The following PI4K2A variants were observed in gnomAD, a reference collection of about 807,000 sequenced individuals.
The protein encoded by PI4K2A is phosphatidylinositol 4-kinase type 2 alpha, also known as phosphatidylinositol 4-kinase type 2-alpha.
In PI4K2A, 20 loss-of-function variants were observed where a neutral mutation model predicts 55.0. That is an observed-to-expected ratio of 0.36 (90% CI 0.26 to 0.53). The LOEUF (loss-of-function observed/expected upper bound fraction) is 0.53. Ranked by LOEUF, PI4K2A falls within the 20% of genes least tolerant of loss-of-function variation. The probability of loss-of-function intolerance (pLI) is 0.91; values close to 1 mark genes in which losing one functional copy is unlikely to be tolerated. For missense variants in PI4K2A, 463 were observed against 637.1 expected, an observed-to-expected ratio of 0.73 and a Z score of 2.94; for synonymous variants, 235 against 258.5, an observed-to-expected ratio of 0.91 and a Z score of 0.87.
exon 1 of PI4K2A, chr10:97,640,716 C>A: frequency 6.9e-7 from 1 of 1,442,034 alleles, no homozygotes; most frequent in Non-Finnish European, 9.2e-7. Context: ...TGGAGCGCGC[C>A]GGGTCCCGGA....
chr10:97,657,695 A>T (rs1291643831), intron 4 of PI4K2A, among the ~76,000 whole-genome samples: 1 of 151,536 alleles, frequency 6.6e-6, no homozygotes, highest in Non-Finnish European at 1.5e-5. Flanking sequence ...CTCTAAAGTC[A>T]CCTTATTGGA....
At position 97,656,803 on chromosome 10, in the gene PI4K2A, C is replaced by T; in HGVS notation, c.769-18C>T. 1.2e-6 allele frequency: 2 copies of T among 1,613,238 alleles called. No homozygotes were observed. Among genetic ancestry groups the T allele is most frequent in the Non-Finnish European group, 1.7e-6 (2 of 1,179,304 alleles). On this transcript the variant is annotated intron_variant, in intron 3 of 8. Transcript: ENST00000370631. The surrounding 1 kb of genome is among the most constrained non-coding windows in gnomAD (Gnocchi z 4.5). ...TGGGCAGTAGGGAAAAACCTTTGTT[C>T]CTTCCTCTTGGTTCCAGGTTGGTTC...
intron 8 of PI4K2A, among the ~76,000 whole-genome samples, chr10:97,669,083 C>T (rs1475950101): frequency 2.0e-5 from 3 of 152,168 alleles, no homozygotes; most frequent in Non-Finnish European, 4.4e-5. Context: ...CCAGGGTGGT[C>T]TCAAACTCCT....
At chr10:97,658,421 T>C (rs2041566082) in intron 4 of PI4K2A, among the ~76,000 whole-genome samples, 2 of 152,228 alleles carry the variant, frequency 1.3e-5, no homozygotes, top group Admixed American at 1.3e-4. Context: ...CCACATTTTG[T>C]CTATCCATTT....
chr10:97,669,762 T>C (rs1336450862), intron 8 of PI4K2A, among the ~76,000 whole-genome samples: 3 of 152,148 alleles, frequency 2.0e-5, no homozygotes, highest in East Asian at 1.9e-4. Flanking sequence ...TGGGCTGTAG[T>C]ACAAGGGCCC....
rs757081048 is a variant in PI4K2A at position 97,656,777 on chromosome 10, T to G, written c.769-44T>G. On this transcript the variant is annotated intron_variant, in intron 3 of 8. Coordinates refer to ENST00000370631, the Ensembl canonical transcript of PI4K2A. This position sits in a 1 kb window ranked among gnomAD's most constrained non-coding sequence, Gnocchi z 4.5. ...GCATATACTCCAAAGGTCTTTGGAT[T>G]TGGGCAGTAGGGAAAAACCTTTGTT... The G allele has an allele frequency of 2.5e-6, 4 of 1,597,376 alleles. No individual in the cohort carries two copies. The East Asian group carries it at 8.9e-5, about 36-fold the overall frequency.
At chr10:97,657,179 A>G (rs2135756778) in intron 4 of PI4K2A, among the ~76,000 whole-genome samples, 1 of 152,338 alleles carries the variant, frequency 6.6e-6, no homozygotes, top group South Asian at 2.1e-4. Context: ...TAACTCTTCC[A>G]AAGCACTGTG....
intron 1 of PI4K2A, among the ~76,000 whole-genome samples, chr10:97,642,806 TCTTCCTTC>T (rs1183100302): frequency 0.07 from 7,300 of 104,614 alleles, 1,061 homozygotes; most frequent in East Asian, 0.1. Flanking sequence ...GCTTTCTCTT[TCTTCCTTC>T]CTTCCTTCCT....
In PI4K2A at chr10:97,675,249, G is replaced by T. The variant is rs11189321; in HGVS notation, c.*1507G>T. 24,266 of 152,494 alleles carry T rather than the reference G, an allele frequency of 0.16. 2,226 individuals are homozygous for T. The highest frequency in any genetic ancestry group is 0.34 in the South Asian group (1,633 of 4,814). 9.4% of individuals were successfully genotyped at this position (152,494 alleles called of 1,614,324 possible). A position where few individuals can be genotyped will look rare whatever the true frequency, so the allele number is the denominator to read the frequency against. On this transcript the variant is annotated 3_prime_UTR_variant, in exon 9 of 9. Transcript: ENST00000370631. ...ATGGCTGCATGTCCTCTGCTTGCCC[G>T]GCTGCAGAGCAGAGATGTGCAGCCC...
chr10:97,648,560 T>C (rs765005043), intron 1 of PI4K2A, among the ~76,000 whole-genome samples: 10 of 152,204 alleles, frequency 6.6e-5, no homozygotes, highest in Non-Finnish European at 1.5e-4. Flanking sequence ...TCAGCCCTGG[T>C]ATTTTTCAGC....
chr10:97,660,102 C>A (rs552500818), intron 4 of PI4K2A, among the ~76,000 whole-genome samples: 1 of 147,222 alleles, frequency 6.8e-6, no homozygotes, highest in Non-Finnish European at 1.5e-5. Flanking sequence ...CCCGGGTTCA[C>A]GCCATTCTCC....
At chr10:97,659,819 A>G (rs76284502) in intron 4 of PI4K2A, among the ~76,000 whole-genome samples, 3,951 of 152,052 alleles carry the variant, frequency 0.026, 124 homozygotes, top group South Asian at 0.095. Context: ...CAGGCCCTCC[A>G]TAGACTCCAG....
intron 8 of PI4K2A, among the ~76,000 whole-genome samples, chr10:97,669,152 CA>C (rs1394937315): frequency 6.6e-6 from 1 of 152,172 alleles, no homozygotes; most frequent in Non-Finnish European, 1.5e-5. Flanking sequence ...AGGAGTGAGC[CA>C]CTGAGCCCGG....
At chr10:97,651,771 C>T (rs530299464) in intron 2 of PI4K2A, among the ~76,000 whole-genome samples, 14 of 152,090 alleles carry the variant, frequency 9.2e-5, no homozygotes, top group Admixed American at 7.2e-4. Flanking sequence ...CCCCAACCCC[C>T]ACCCCCACCA....
At chr10:97,641,216 G>A (rs7910042) in intron 1 of PI4K2A, 39 bp downstream of exon 1, 1 of 1,501,764 alleles carries the variant, frequency 6.7e-7, no homozygotes, top group South Asian at 1.2e-5. Context: ...CGGGCTGAGG[G>A]CCGGCGGCGC....
intron 1 of PI4K2A, among the ~76,000 whole-genome samples, chr10:97,647,904 A>G (rs1360693042): frequency 7.1e-6 from 1 of 140,074 alleles, no homozygotes; most frequent in Admixed American, 7.1e-5. Context: ...TTGGCCTTCA[A>G]GTTCTGCTTG....
intron 2 of PI4K2A, among the ~76,000 whole-genome samples, chr10:97,655,421 G>C (rs985149763): frequency 1.5e-4 from 23 of 150,012 alleles, no homozygotes; most frequent in African/African-American, 5.6e-4. Context: ...AAGGGGTACA[G>C]AGTAAATTGC....
intron 1 of PI4K2A, among the ~76,000 whole-genome samples, chr10:97,644,167 A>G (rs566485225): frequency 6.0e-4 from 91 of 152,314 alleles, no homozygotes; most frequent in Admixed American, 2.6e-3. Flanking sequence ...CCTGGTCAAC[A>G]TGGTGAAACC....
At chr10:97,642,573 G>T (rs2041475540) in intron 1 of PI4K2A, among the ~76,000 whole-genome samples, 1 of 151,334 alleles carries the variant, frequency 6.6e-6, no homozygotes, top group Admixed American at 6.6e-5. Context: ...GCTAATTTTT[G>T]TATTTTTAGT....
Sources: allele counts gnomAD v4.1 joint callset (sites outside exome capture counted in the v4.1 genomes callset), GRCh38; gene constraint gnomAD v4.1.1; non-coding constraint Gnocchi (gnomAD v3.1); transcripts MANE v1.5; gene names NCBI Gene and HGNC (gene_info 2026-07-23, HGNC 2026-07-21).